The following PKIB variants were observed in gnomAD, a reference collection of about 807,000 sequenced individuals.
PKIB encodes the protein cAMP-dependent protein kinase inhibitor beta, also known as PKI-beta.
PKIB carries 2 observed loss-of-function variants against 4.5 expected under a neutral mutation model. That is an observed-to-expected ratio of 0.44 (90% confidence interval 0.18 to 1.39). The LOEUF is 1.39. Ranked by LOEUF, PKIB falls within the 40% of genes most tolerant of loss-of-function variation. The probability of loss-of-function intolerance (pLI) is 0.27; values close to 1 mark genes in which losing one functional copy is unlikely to be tolerated. For synonymous variants in PKIB, 38 were observed against 36.0 expected, an observed-to-expected ratio of 1.06 and a Z score of -0.20; for missense variants, 94 against 92.6, an observed-to-expected ratio of 1.02 and a Z score of -0.06.
chr6:122,475,504 G>A (rs1775429915), intron 1 of PKIB, among the ~76,000 whole-genome samples: 1 of 152,064 alleles, frequency 6.6e-6, no homozygotes, highest in East Asian at 1.9e-4. Flanking sequence ...AGTAAAAATA[G>A]GCCGGGTGTG....
At chr6:122,676,659 A>G (rs1777686883) in intron 3 of PKIB, among the ~76,000 whole-genome samples, 1 of 152,204 alleles carries the variant, frequency 6.6e-6, no homozygotes, top group Non-Finnish European at 1.5e-5. Context: ...TATCTTGGTT[A>G]ACTATTATTA....
chr6:122,715,649 G>GTATATATA (rs138034261), intron 3 of PKIB, among the ~76,000 whole-genome samples: 39,889 of 146,402 alleles, frequency 0.27, 6,374 homozygotes, highest in Non-Finnish European at 0.37. Context: ...GGTATTTTAT[G>GTATATATA]TATATATATA....
rs1445902635 is a variant in PKIB, at chr6:122,543,332, G to A, written c.-247-42589G>A. ...CTGTAGACAGGAGCTGTTCCTATTCGGCCATCTTGGCCCCACCCCCTCCTT... is the reference window on the plus strand; with the variant it reads ...CTGTAGACAGGAGCTGTTCCTATTCAGCCATCTTGGCCCCACCCCCTCCTT... On this transcript the variant is annotated intron_variant, in intron 2 of 6. Transcript: ENST00000392491. 2.0e-5 allele frequency among the ~76,000 whole-genome samples: 3 copies of A among 151,346 alleles called. No homozygotes were observed. The South Asian group carries it at 6.3e-4, about 32-fold the overall frequency.
intron 2 of PKIB, among the ~76,000 whole-genome samples, chr6:122,576,104 A>G (rs978992174): frequency 6.6e-6 from 1 of 152,232 alleles, no homozygotes; most frequent in East Asian, 1.9e-4. Flanking sequence ...GGGAAGAAGT[A>G]AAAGAAACAT....
intron 1 of PKIB, among the ~76,000 whole-genome samples, chr6:122,625,658 T>A (rs1016779382): frequency 6.0e-5 from 9 of 151,188 alleles, no homozygotes; most frequent in East Asian, 2.0e-4. Flanking sequence ...TAATAATAAT[T>A]AATTAATTAA....
At chr6:122,693,466 CA>C (rs1252822036) in intron 3 of PKIB, among the ~76,000 whole-genome samples, 2 of 152,198 alleles carry the variant, frequency 1.3e-5, no homozygotes, top group Non-Finnish European at 2.9e-5. Context: ...CATCCTTAAT[CA>C]AATGTCAAAG....
chr6:122,686,921 C>T (rs1232582226), intron 3 of PKIB, among the ~76,000 whole-genome samples: 1 of 152,180 alleles, frequency 6.6e-6, no homozygotes, highest in Admixed American at 6.5e-5. Context: ...TGAGTTCTCT[C>T]TTCACCTTGT....
intron 2 of PKIB, among the ~76,000 whole-genome samples, chr6:122,534,224 A>C (rs1777340226): frequency 6.6e-6 from 1 of 151,222 alleles, no homozygotes; most frequent in Non-Finnish European, 1.5e-5. Context: ...CACCCCAGTT[A>C]TTGGCCTAGA....
chr6:122,698,102 A>C (rs1337607684), intron 3 of PKIB, among the ~76,000 whole-genome samples: 1 of 152,116 alleles, frequency 6.6e-6, no homozygotes, highest in African/African-American at 2.4e-5. Context: ...ATTCTTTATC[A>C]GGGACATCTT....
At chr6:122,560,646 C>G (rs1413981131) in intron 2 of PKIB, among the ~76,000 whole-genome samples, 1 of 152,088 alleles carries the variant, frequency 6.6e-6, no homozygotes, top group East Asian at 1.9e-4. Flanking sequence ...TGGTAGAATT[C>G]TGCTGTGAAT....
intron 2 of PKIB, among the ~76,000 whole-genome samples, chr6:122,554,883 C>A (rs929724852): frequency 4.6e-5 from 7 of 152,140 alleles, no homozygotes; most frequent in African/African-American, 1.7e-4. Context: ...ATTGCCTGCA[C>A]AGCTATTTGG....
At chr6:122,480,986 T>G (rs1775595592) in intron 2 of PKIB, 1 of 152,196 alleles carries the variant, frequency 6.6e-6, no homozygotes, top group African/African-American at 2.4e-5. Context: ...TGAGTAAATC[T>G]TAAGACATCA....
At chr6:122,515,777 G>A (rs534255103) in intron 2 of PKIB, among the ~76,000 whole-genome samples, 11 of 152,210 alleles carry the variant, frequency 7.2e-5, no homozygotes, top group Non-Finnish European at 1.0e-4. Flanking sequence ...GTACAGTGGC[G>A]TGATCTTGGT....
intron 3 of PKIB, among the ~76,000 whole-genome samples, chr6:122,715,315 C>A (rs1031802489): frequency 6.6e-6 from 1 of 151,942 alleles, no homozygotes; most frequent in Admixed American, 6.6e-5. Flanking sequence ...TTCATTTATT[C>A]ATGGAGCTGT....
intron 2 of PKIB, among the ~76,000 whole-genome samples, chr6:122,580,339 G>A (rs544892383): frequency 7.3e-4 from 111 of 152,132 alleles, no homozygotes; most frequent in Non-Finnish European, 1.4e-3. Context: ...ATGGGAAACT[G>A]GGACCTCTGG....
intron 2 of PKIB, among the ~76,000 whole-genome samples, chr6:122,569,187 C>T (rs111836441): frequency 1.7e-3 from 260 of 152,324 alleles, no homozygotes; most frequent in African/African-American, 5.9e-3. Flanking sequence ...CCTCCACCCA[C>T]GCTGATAGCT....
intron 3 of PKIB, among the ~76,000 whole-genome samples, chr6:122,715,095 A>G (rs781434792): frequency 9.2e-5 from 14 of 151,936 alleles, no homozygotes; most frequent in Non-Finnish European, 1.9e-4. Flanking sequence ...AAAAAAAAAA[A>G]TATTTAAAAA....
rs185329207 is a variant in PKIB, at chr6:122,682,436, A to T, written c.-9+7292A>T. Among the ~76,000 whole-genome samples the T allele has an allele frequency of 3.4e-3, 512 of 152,286 alleles. 1 individual carries two copies. The highest frequency in any genetic ancestry group is 0.011 in the African/African-American group (474 of 41,558). On this transcript the variant is annotated intron_variant, in intron 3 of 4. Coordinates refer to ENST00000368452, the MANE Select transcript of PKIB (RefSeq NM_181795.3). ...TATCTAAATGTACATAGATTATTTT[A>T]TAAAAAATAATTTATTTAAAGTATT...
At chr6:122,608,569 A>C (rs997641719), upstream of PKIB, among the ~76,000 whole-genome samples, 7 of 152,258 alleles carry the variant, frequency 4.6e-5, no homozygotes, top group Non-Finnish European at 7.3e-5. Flanking sequence ...AAAGCATTCT[A>C]TAAATAGTGT....
Sources: allele counts gnomAD v4.1 joint callset (sites outside exome capture counted in the v4.1 genomes callset), GRCh38; gene constraint gnomAD v4.1.1; transcripts MANE v1.5; gene names NCBI Gene and HGNC (gene_info 2026-07-23, HGNC 2026-07-21).